The following SETBP1 variants were observed in gnomAD, a reference collection of about 807,000 sequenced individuals.
The protein encoded by SETBP1 is SET binding protein 1.
In SETBP1, 9 loss-of-function variants were observed where a neutral mutation model predicts 101.0. The observed-to-expected ratio is 0.09, with a 90% CI of 0.05 to 0.16. SETBP1 has a LOEUF of 0.16. Ranked by LOEUF, SETBP1 falls within the 10% of genes least tolerant of loss-of-function variation. SETBP1 has a pLI of 1.00. For synonymous variants in SETBP1, 818 were observed against 788.5 expected (o/e 1.04, Z -0.63); for missense variants, 1,858 against 2,033.8 (o/e 0.91, Z 1.66).
chr18:44,975,946 T>C (rs937188762), intron 4 of SETBP1, among the ~76,000 whole-genome samples: 1 of 152,192 alleles, frequency 6.6e-6, no homozygotes, highest in African/African-American at 2.4e-5. Flanking sequence ...AATACAGGTC[T>C]GCAAGCCTGG....
intron 1 of SETBP1, among the ~76,000 whole-genome samples, chr18:44,689,366 C>T (rs564733962): frequency 3.3e-5 from 5 of 152,276 alleles, no homozygotes; most frequent in South Asian, 2.1e-4. Flanking sequence ...CTTTGTGGTC[C>T]GAGGTCTTCT....
Position 44,952,102 on chromosome 18 carries a change from A to T in SETBP1, c.2762A>T (p.His921Leu). The change falls in exon 4 of 6, where the codon CAT becomes CTT. Residue 921 changes from histidine (H) to leucine (L), a missense_variant. By Grantham distance (99) the His-to-Leu change is moderately conservative (BLOSUM62 -3). Transcript: ENST00000649279. Reference protein sequence around the residue: ...TKNRHGHRQKHLIVDNFLAHE... With the variant: ...TKNRHGHRQKLLIVDNFLAHE... The stretch of plus-strand genomic sequence containing the variant: ...AACCGGCATGGCCACCGGCAAAAGC[A>T]TCTCATTGTGGACAACTTTCTGGCC... 6.2e-7 allele frequency: 1 copy of T among 1,614,098 alleles called. No individual in the cohort carries two copies. Among genetic ancestry groups the T allele is most frequent in the Non-Finnish European group, 8.5e-7 (1 of 1,180,024 alleles).
chr18:44,805,893 G>A (rs1035203930), intron 2 of SETBP1, among the ~76,000 whole-genome samples: 2 of 152,132 alleles, frequency 1.3e-5, no homozygotes, highest in Non-Finnish European at 2.9e-5. Flanking sequence ...TAGGGCTAGG[G>A]GGAGCACTAG....
intron 1 of SETBP1, among the ~76,000 whole-genome samples, chr18:44,690,749 G>A (rs2068917160): frequency 6.6e-6 from 1 of 152,148 alleles, no homozygotes; most frequent in African/African-American, 2.4e-5. Flanking sequence ...GTAAATCAGG[G>A]TTAAATAGTA....
At chr18:45,046,418 C>G (rs149344367) in intron 5 of SETBP1, among the ~76,000 whole-genome samples, 1 of 152,200 alleles carries the variant, frequency 6.6e-6, no homozygotes, top group African/African-American at 2.4e-5. Context: ...AACTTGGCAG[C>G]CCTCCAGCCT....
upstream of SETBP1, among the ~76,000 whole-genome samples, chr18:44,680,666 C>T (rs2068744234): frequency 6.6e-6 from 1 of 152,002 alleles, no homozygotes; most frequent in African/African-American, 2.4e-5. Flanking sequence ...TGGAGTGGCT[C>T]GTTGGTGGCG....
chr18:44,923,723 A>G (rs1041016887), intron 3 of SETBP1, among the ~76,000 whole-genome samples: 1 of 152,198 alleles, frequency 6.6e-6, no homozygotes. Context: ...CCATCTATGG[A>G]CATGATTGAT....
chr18:44,789,507 C>T (rs979523312), intron 2 of SETBP1, among the ~76,000 whole-genome samples: 3 of 152,124 alleles, frequency 2.0e-5, no homozygotes, highest in Non-Finnish European at 2.9e-5. Flanking sequence ...AGTGATCATC[C>T]GAGCAGTATG....
intron 2 of SETBP1, among the ~76,000 whole-genome samples, chr18:44,777,086 CAGG>C (rs2071019419): frequency 6.6e-6 from 1 of 152,156 alleles, no homozygotes. Flanking sequence ...GAGGCCAAGA[CAGG>C]AGGATCCCTT....
At chr18:45,063,045 T>C in intron 5 of SETBP1, 34 bp from the exon 6 acceptor site, 1 of 1,612,860 alleles carries the variant, frequency 6.2e-7, no homozygotes, top group Non-Finnish European at 8.5e-7. Context: ...CCTTGCATCC[T>C]GTGCTCAATT....
At chr18:44,777,456 G>T (rs764350928) in intron 2 of SETBP1, among the ~76,000 whole-genome samples, 5 of 152,174 alleles carry the variant, frequency 3.3e-5, no homozygotes, top group Non-Finnish European at 7.3e-5. Flanking sequence ...GAATGTCACA[G>T]TTATGCATGC....
At chr18:44,914,338 T>C (rs745985008) in intron 3 of SETBP1, among the ~76,000 whole-genome samples, 1 of 152,184 alleles carries the variant, frequency 6.6e-6, no homozygotes, top group Non-Finnish European at 1.5e-5. Flanking sequence ...CTCTAGGAAA[T>C]ACTCTACTGT....
At chr18:44,694,078 C>A (rs1383129668) in intron 1 of SETBP1, among the ~76,000 whole-genome samples, 1 of 152,098 alleles carries the variant, frequency 6.6e-6, no homozygotes, top group Non-Finnish European at 1.5e-5. Context: ...TTTTGTGAAT[C>A]CAACAGAAAA....
At chr18:44,910,131 G>A (rs1176558650) in intron 3 of SETBP1, among the ~76,000 whole-genome samples, 3 of 152,264 alleles carry the variant, frequency 2.0e-5, no homozygotes, top group East Asian at 1.9e-4. Context: ...TGACAATGCC[G>A]AGACATGCCT....
chr18:44,861,363 C>T (rs904730289), intron 2 of SETBP1, among the ~76,000 whole-genome samples: 26 of 151,100 alleles, frequency 1.7e-4, no homozygotes, highest in African/African-American at 5.1e-4. Flanking sequence ...CTCAGCCTCC[C>T]GAGTAGCTGG....
Position 44,876,687 on chromosome 18 carries a change from C to T in SETBP1, c.540+7404C>T, listed in dbSNP as rs773187616. 4.4e-5 allele frequency: 67 copies of T among 1,522,848 alleles called. No homozygotes were observed. In the East Asian group the frequency reaches 5.5e-4, roughly 12 times the overall value. 94.3% of individuals were successfully genotyped at this position (1,522,848 alleles called of 1,614,324 possible). ...TCTCATGCCCCCGGAACCCATTCCC[C>T]GCAAAACCCGGTTCTCTCACTCTTC... On this transcript the variant is annotated intron_variant, in intron 3 of 5. Coordinates refer to ENST00000649279, the MANE Select transcript of SETBP1 (RefSeq NM_015559.3).
chr18:44,937,287 C>T (rs1004385974), intron 3 of SETBP1, among the ~76,000 whole-genome samples: 5 of 151,278 alleles, frequency 3.3e-5, no homozygotes, highest in African/African-American at 9.7e-5. Flanking sequence ...CCCGTCTCTA[C>T]TAAAAATACA....
At chr18:44,782,898 T>C (rs1399557323) in intron 2 of SETBP1, among the ~76,000 whole-genome samples, 2 of 152,292 alleles carry the variant, frequency 1.3e-5, no homozygotes, top group East Asian at 3.9e-4. Context: ...AGTATTTATA[T>C]CCATGACCCC....
At chr18:44,866,848 C>A (rs2069140770) in intron 2 of SETBP1, among the ~76,000 whole-genome samples, 1 of 152,200 alleles carries the variant, frequency 6.6e-6, no homozygotes, top group Non-Finnish European at 1.5e-5. Flanking sequence ...TAAATACAAG[C>A]ATTTCTGCAA....
Sources: allele counts gnomAD v4.1 joint callset (sites outside exome capture counted in the v4.1 genomes callset), GRCh38; gene constraint gnomAD v4.1.1; transcripts MANE v1.5; gene names NCBI Gene and HGNC (gene_info 2026-07-23, HGNC 2026-07-21).